The following WDR82 variants were observed in gnomAD, a reference collection of about 807,000 sequenced individuals.
WDR82 encodes WD repeat-containing protein 82.
Under a neutral mutation model 36.1 loss-of-function variants are expected in WDR82, and 8 were observed. The observed-to-expected ratio is 0.22, with a 90% CI of 0.13 to 0.40. WDR82 has a LOEUF of 0.40. Ranked by LOEUF, WDR82 falls within the 10% of genes least tolerant of loss-of-function variation. The pLI is 1.00. For missense variants in WDR82, 185 were observed against 400.5 expected, an observed-to-expected ratio of 0.46 and a Z score of 4.59; for synonymous variants, 129 against 137.8, an observed-to-expected ratio of 0.94 and a Z score of 0.45.
Position 52,259,706 on chromosome 3 carries a change from T to G in WDR82, c.699+11A>C. 6.2e-7 allele frequency: 1 copy of G among 1,608,496 alleles called. No homozygotes were observed. Among genetic ancestry groups the G allele is most frequent in the South Asian group, 1.1e-5 (1 of 90,424 alleles). On this transcript the variant is annotated intron_variant, in intron 6 of 8. Coordinates refer to ENST00000296490, the MANE Select transcript of WDR82 (RefSeq NM_025222.4). ...CATGGAAACAGCCATGCTTGAAGGC[T>G]GTCAGCTCACCCCAAATGTGTGCAT...
At chr3:52,275,570 T>C (rs919241693) in intron 1 of WDR82, among the ~76,000 whole-genome samples, 1 of 152,088 alleles carries the variant, frequency 6.6e-6, no homozygotes, top group African/African-American at 2.4e-5. Context: ...TCTGGTTACA[T>C]AAGAATGTCT....
At chr3:52,265,195 G>A (rs1362983217) in intron 3 of WDR82, among the ~76,000 whole-genome samples, 2 of 150,376 alleles carry the variant, frequency 1.3e-5, no homozygotes, top group African/African-American at 4.9e-5. Flanking sequence ...AGCTACTCAG[G>A]AGGCTGAGGC....
intron 3 of WDR82, among the ~76,000 whole-genome samples, chr3:52,262,605 G>A (rs1312005570): frequency 6.6e-6 from 1 of 152,104 alleles, no homozygotes; most frequent in African/African-American, 2.4e-5. Flanking sequence ...CCAGGTGATG[G>A]GTGAGGCTGC....
At chr3:52,266,376 T>C (rs917358554) in intron 3 of WDR82, among the ~76,000 whole-genome samples, 13 of 152,032 alleles carry the variant, frequency 8.6e-5, no homozygotes, top group Non-Finnish European at 1.8e-4. Flanking sequence ...TATATGTATA[T>C]ATAAAACTAG....
chr3:52,278,050 T>C, intron 1 of WDR82, 151 bp downstream of exon 1: 1 of 634,792 alleles, frequency 1.6e-6, no homozygotes, highest in Non-Finnish European at 2.4e-6. Flanking sequence ...AAAGGTCTCC[T>C]GGACGGCTGC....
chr3:52,275,208 C>T (rs1474259602), intron 1 of WDR82, among the ~76,000 whole-genome samples: 7 of 152,050 alleles, frequency 4.6e-5, no homozygotes, highest in African/African-American at 9.7e-5. Flanking sequence ...GCAACAAGAG[C>T]GAAAGTCCCT....
chr3:52,270,018 C>T (rs141646777), intron 2 of WDR82, among the ~76,000 whole-genome samples: 4 of 152,194 alleles, frequency 2.6e-5, no homozygotes, highest in African/African-American at 7.2e-5. Flanking sequence ...TATCATAGTT[C>T]AAGCATTTGT....
chr3:52,259,258 G>T lies in WDR82; in HGVS notation c.708C>A (p.Ala236=), dbSNP rs1261777733. The T allele has an allele frequency of 6.2e-7, 1 of 1,614,046 alleles. No homozygotes were observed. The highest frequency in any genetic ancestry group is 1.3e-5 in the African/African-American group (1 of 74,944). The part of the protein sequence containing the change: ...GVVMHTFGGY[A]NSKAVTLEAS... The stretch of plus-strand genomic sequence containing the variant: ...CCTCCAGTGTGACAGCTTTGCTGTT[G>T]GCATAACCCTAAAACAAAACAGAGC... The change falls in exon 7 of 9, where the codon GCC becomes GCA. Residue 236 remains alanine (A), a synonymous_variant. Transcript: ENST00000296490.
intron 1 of WDR82, among the ~76,000 whole-genome samples, chr3:52,275,118 G>A (rs1578012487): frequency 2.0e-5 from 3 of 152,220 alleles, no homozygotes; most frequent in Admixed American, 2.0e-4. Flanking sequence ...CTACTCAGGA[G>A]GCTGAGGCAG....
At chr3:52,265,117 G>A (rs960351227) in intron 3 of WDR82, among the ~76,000 whole-genome samples, 1 of 151,634 alleles carries the variant, frequency 6.6e-6, no homozygotes, top group Non-Finnish European at 1.5e-5. Flanking sequence ...TGGGTAACAC[G>A]GTAAAACCCC....
Position 52,270,652 on chromosome 3 carries a change from T to C in WDR82, c.259+60A>G. The C allele has an allele frequency of 1.5e-6, 2 of 1,316,080 alleles. 1 individual carries two copies. The highest frequency in any genetic ancestry group is 2.5e-5 in the South Asian group (2 of 78,702). 81.5% of individuals were successfully genotyped at this position (1,316,080 alleles called of 1,614,324 possible). On this transcript the variant is annotated intron_variant, in intron 2 of 8. Coordinates refer to ENST00000296490, the MANE Select transcript of WDR82 (RefSeq NM_025222.4). Reference sequence around the variant, plus strand: ...CACAAAGCAGAAGTAGTCACAAAGATTCCATGAACTATTTAACAAAGGAAA... The same window carrying C: ...CACAAAGCAGAAGTAGTCACAAAGACTCCATGAACTATTTAACAAAGGAAA...
intron 6 of WDR82, 27 bp from the exon 7 acceptor site, chr3:52,259,293 G>A (rs1700039300): frequency 6.2e-7 from 1 of 1,611,016 alleles, no homozygotes; most frequent in Non-Finnish European, 8.5e-7. Flanking sequence ...CAGTTCTTTT[G>A]TTCTTACAGA....
At chr3:52,275,492 G>C (rs1052885947) in intron 1 of WDR82, among the ~76,000 whole-genome samples, 1 of 152,204 alleles carries the variant, frequency 6.6e-6, no homozygotes, top group Non-Finnish European at 1.5e-5. Flanking sequence ...TAATTGATCA[G>C]AGAAAACTCA....
chr3:52,274,140 T>C (rs972256578), intron 1 of WDR82, among the ~76,000 whole-genome samples: 1 of 152,204 alleles, frequency 6.6e-6, no homozygotes, highest in African/African-American at 2.4e-5. Flanking sequence ...CAAATTGAAA[T>C]ATCACTCAAT....
At chr3:52,259,929 C>G in intron 5 of WDR82, 57 bp from the exon 6 acceptor site, 1 of 1,555,650 alleles carries the variant, frequency 6.4e-7, no homozygotes, top group Non-Finnish European at 8.7e-7. Context: ...TCTGCTAGAG[C>G]CAATTCCCAT....
In WDR82 at chr3:52,260,442, G is replaced by T; in HGVS notation, c.486C>A (p.Phe162Leu). 1 of 1,594,718 alleles carries T rather than the reference G, an allele frequency of 6.3e-7. No homozygotes were observed. Among genetic ancestry groups the T allele is most frequent in the Non-Finnish European group, 8.5e-7 (1 of 1,173,282 alleles). Reference sequence around the variant, plus strand: ...CCATTTCAGAGTTGACACCTGCAGCGAAAATTAACCCTTCTGGATCAAAAG... The same window carrying T: ...CCATTTCAGAGTTGACACCTGCAGCTAAAATTAACCCTTCTGGATCAAAAG... ...VCSFDPEGLIFAAGVNSEMVK... is the reference protein window; with the variant it reads ...VCSFDPEGLILAAGVNSEMVK... Residue 162 changes from phenylalanine (F) to leucine (L), a missense_variant, in exon 5 of 9, where the codon TTC (phenylalanine) becomes TTA (leucine). Transcript: ENST00000296490.
chr3:52,270,824 G>C lies in WDR82; in HGVS notation c.162-15C>G, dbSNP rs373429071. The C allele has an allele frequency of 4.2e-5, 65 of 1,559,902 alleles. No individual in the cohort carries two copies. The highest frequency in any genetic ancestry group is 5.5e-5 in the Non-Finnish European group (63 of 1,149,138). ...TTCTCTTTGGTCTGATAAGAAAATA[G>C]AGACAGAAAATCATGAACATTCTCC... On this transcript the variant is annotated splice_polypyrimidine_tract_variant and intron_variant, in intron 1 of 8. Coordinates refer to ENST00000296490, the MANE Select transcript of WDR82 (RefSeq NM_025222.4).
At chr3:52,263,647 G>A (rs574473096) in intron 3 of WDR82, among the ~76,000 whole-genome samples, 3 of 152,310 alleles carry the variant, frequency 2.0e-5, no homozygotes, top group East Asian at 3.9e-4. Flanking sequence ...TAAACCTAGG[G>A]AGAACTAAAT....
intron 8 of WDR82, 135 bp from the exon 9 acceptor site, chr3:52,257,654 C>A (rs1460612337): frequency 7.9e-6 from 7 of 888,350 alleles, no homozygotes; most frequent in Non-Finnish European, 1.8e-6. Context: ...ACCAACCAAC[C>A]CCGATGCTCT....
Sources: gnomAD v4.1 joint callset for allele counts (sites outside exome capture counted in the v4.1 genomes callset) on GRCh38, gnomAD v4.1.1 for gene constraint, MANE v1.5 for transcripts, NCBI Gene and HGNC (gene_info 2026-07-23, HGNC 2026-07-21) for gene names.